Variants in SFTPC observed in about 807,000 individuals in gnomAD.
SFTPC encodes the protein BRICHOS domain containing 6.
A neutral mutation model predicts 19.9 loss-of-function variants in SFTPC; 12 were observed. The observed-to-expected ratio is 0.60, with a 90% CI of 0.39 to 0.98. The LOEUF is 0.98. Ranked by LOEUF, SFTPC falls within the 50% of genes least tolerant of loss-of-function variation. The pLI is 0.00. For synonymous variants in SFTPC, 123 were observed against 103.3 expected, an observed-to-expected ratio of 1.19 and a Z score of -1.16; for missense variants, 219 against 252.2, an observed-to-expected ratio of 0.87 and a Z score of 0.89.
At chr8:22,161,471 G>A (rs967073001), upstream of SFTPC, among the ~76,000 whole-genome samples, 2 of 152,166 alleles carry the variant, frequency 1.3e-5, no homozygotes, top group East Asian at 1.9e-4. Context: ...AGAAGAAAAA[G>A]GAAAGCCACA....
At chr8:22,161,923 T>C in intron 1 of SFTPC, 53 bp downstream of exon 1, 6 of 1,565,952 alleles carry the variant, frequency 3.8e-6, no homozygotes, top group East Asian at 2.2e-5. Context: ...ATGTGTGTGA[T>C]GGGCCCTGCC....
At position 22,162,634 on chromosome 8, in the gene SFTPC, C is replaced by T. The variant is rs199854076; in HGVS notation, c.103C>T (p.Arg35Cys). 8.7e-6 allele frequency: 14 copies of T among 1,614,216 alleles called. No individual in the cohort carries two copies. Among genetic ancestry groups the T allele is most frequent in the Admixed American group, 6.7e-5 (4 of 60,034 alleles). Residue 35 changes from arginine (R) to cysteine (C), a missense_variant, in exon 2 of 6, where the codon CGC becomes TGC. By Grantham distance (180) the Arg-to-Cys change is radical. Coordinates refer to ENST00000679463, the MANE Select transcript of SFTPC (RefSeq NM_001317778.2). ...GIPCCPVHLK[R>C]LLIVVVVVVL... ...TCCCTGCTGCCCAGTGCACCTGAAA[C>T]GCCTTCTTATCGTGGTGGTGGTGGT...
At chr8:22,162,820 G>C (rs1187649066) in intron 2 of SFTPC, 88 bp downstream of exon 2, 3 of 1,529,804 alleles carry the variant, frequency 2.0e-6, no homozygotes, top group African/African-American at 2.7e-5. Flanking sequence ...CTGTCCAAGG[G>C]GAGTGGAGGG....
upstream of SFTPC, among the ~76,000 whole-genome samples, chr8:22,158,456 TGGA>T (rs1254266031): frequency 6.6e-6 from 1 of 152,020 alleles, no homozygotes; most frequent in Admixed American, 6.5e-5. Context: ...GCTGAGGGGC[TGGA>T]GGAGGAAACG....
rs1827918487 is a variant in SFTPC, at chr8:22,164,044, C to T, written c.*3C>T. 3 of 1,611,802 alleles carry T rather than the reference C, an allele frequency of 1.9e-6. No individual in the cohort carries two copies. Among genetic ancestry groups the T allele is most frequent in the Admixed American group, 1.7e-5 (1 of 60,014 alleles). ...AGGTGCCGCTCTACTACATCTAGGA[C>T]GCCTCCGGTGAGCAGGTGTGATCCC... On this transcript the variant is annotated 3_prime_UTR_variant, in exon 5 of 6. Transcript: ENST00000679463.
At position 22,162,524 on chromosome 8, in the gene SFTPC, G is replaced by T. The variant is rs770717292; in HGVS notation, c.43-50G>T. 5.6e-6 allele frequency: 9 copies of T among 1,604,168 alleles called. No homozygotes were observed. The Admixed American group carries it at 1.2e-4, about 21-fold the overall frequency. On this transcript the variant is annotated intron_variant, in intron 1 of 5. Transcript: ENST00000679463. Reference sequence around the variant, plus strand: ...TTCAGCTTGTATAGGGAGAAGAGGGGACAGCCTCATGACCTCATGCCTGTC... The same window carrying T: ...TTCAGCTTGTATAGGGAGAAGAGGGTACAGCCTCATGACCTCATGCCTGTC...
upstream of SFTPC, chr8:22,159,479 C>A (rs1827629613): frequency 2.7e-5 from 9 of 335,020 alleles, no homozygotes; most frequent in South Asian, 2.0e-4. Flanking sequence ...TCCAAGGAAC[C>A]CAAGACCTTC....
chr8:22,163,654 C>A, intron 4 of SFTPC, 108 bp downstream of exon 4: 1 of 857,462 alleles, frequency 1.2e-6, no homozygotes, highest in Non-Finnish European at 1.9e-6. Context: ...TCCTCATTGG[C>A]TGCCAGCTGA....
chr8:22,159,577 AAGCAGC>A, upstream of SFTPC: 1 of 380,112 alleles, frequency 2.6e-6, no homozygotes, highest in Non-Finnish European at 5.1e-6. Flanking sequence ...GAAGGAGAAG[AAGCAGC>A]AGCAGCAGCC....
chr8:22,162,953 A>T, intron 2 of SFTPC, 127 bp from the exon 3 acceptor site: 1 of 1,454,688 alleles, frequency 6.9e-7, no homozygotes, highest in Non-Finnish European at 9.5e-7. Flanking sequence ...ACCTGGTTCC[A>T]CTCAGCCTCC....
upstream of SFTPC, chr8:22,159,449 G>T: frequency 6.3e-6 from 2 of 316,220 alleles, no homozygotes; most frequent in Non-Finnish European, 6.2e-6. Context: ...CCCAGCTAAA[G>T]GTCCTTCTGT....
chr8:22,164,079 G>T lies in SFTPC; in HGVS notation c.*18+20G>T. On this transcript the variant is annotated intron_variant, in intron 5 of 5. Coordinates refer to ENST00000679463, the MANE Select transcript of SFTPC (RefSeq NM_001317778.2). ...GAGCAGGTGTGATCCCAGGGCCCCT[G>T]ATCAGCAGCGGAGGAGCGCTCGGGC... The T allele has an allele frequency of 6.2e-7, 1 of 1,611,472 alleles. No individual in the cohort carries two copies. Among genetic ancestry groups the T allele is most frequent in the South Asian group, 1.1e-5 (1 of 91,000 alleles).
upstream of SFTPC, chr8:22,161,643 T>A (rs1827723471): frequency 2.5e-6 from 4 of 1,569,900 alleles, no homozygotes; most frequent in African/African-American, 4.1e-5. Flanking sequence ...CCTTGGGGGC[T>A]CTCACAGGGG....
upstream of SFTPC, among the ~76,000 whole-genome samples, chr8:22,160,261 G>A (rs1392985555): frequency 3.3e-5 from 5 of 152,126 alleles, no homozygotes; most frequent in South Asian, 2.1e-4. Flanking sequence ...GCTCATGACC[G>A]AAGGGCAGGG....
chr8:22,161,615 T>C (rs1586417730), upstream of SFTPC: 11 of 1,479,290 alleles, frequency 7.4e-6, no homozygotes, highest in African/African-American at 8.4e-5. Context: ...AGAGGACTCA[T>C]GTGCCAGGGC....
upstream of SFTPC, among the ~76,000 whole-genome samples, chr8:22,160,773 A>G (rs2131808853): frequency 6.6e-6 from 1 of 152,318 alleles, no homozygotes; most frequent in South Asian, 2.1e-4. Flanking sequence ...AGCCAGCCCA[A>G]AGTCATTGGC....
upstream of SFTPC, chr8:22,159,766 C>T (rs867755665): frequency 1.6e-6 from 2 of 1,288,812 alleles, no homozygotes; most frequent in Non-Finnish European, 2.0e-6. Flanking sequence ...AACAACATGG[C>T]CCCCCGAGAT....
upstream of SFTPC, chr8:22,159,985 G>C (rs8192316): frequency 6.2e-3 from 2,947 of 473,752 alleles, 71 homozygotes; most frequent in African/African-American, 0.053. Flanking sequence ...AGCTGAGGCC[G>C]AGCTGAGAGG....
upstream of SFTPC, chr8:22,159,811 G>C: frequency 3.1e-6 from 4 of 1,289,430 alleles, no homozygotes; most frequent in Non-Finnish European, 4.0e-6. Flanking sequence ...GCAGTGCTTG[G>C]CTCTCCCGCT....
Sources: gnomAD v4.1 joint callset for allele counts (sites outside exome capture counted in the v4.1 genomes callset) on GRCh38, gnomAD v4.1.1 for gene constraint, MANE v1.5 for transcripts, NCBI Gene and HGNC (gene_info 2026-07-23, HGNC 2026-07-21) for gene names.